The following PRLR variants were observed in gnomAD, a reference collection of about 807,000 sequenced individuals.
PRLR encodes hPRL receptor.
Under a neutral mutation model 40.2 loss-of-function variants are expected in PRLR, and 13 were observed. The ratio of observed to expected loss-of-function variants is 0.32; its 90% confidence interval spans 0.21 to 0.51. The LOEUF is 0.51. Ranked by LOEUF, PRLR falls within the 20% of genes least tolerant of loss-of-function variation. The pLI, the probability that PRLR is intolerant of heterozygous loss-of-function variation, is 0.97. For missense variants in PRLR, 656 were observed against 747.3 expected, an observed-to-expected ratio of 0.88 and a Z score of 1.42; for synonymous variants, 269 against 278.7, an observed-to-expected ratio of 0.97 and a Z score of 0.35.
intron 2 of PRLR, among the ~76,000 whole-genome samples, chr5:35,098,017 G>C (rs1432626148): frequency 6.6e-6 from 1 of 152,076 alleles, no homozygotes; most frequent in African/African-American, 2.4e-5. Flanking sequence ...GTGATCTGTT[G>C]GGTTATTGTC....
chr5:35,156,056 G>A, intron 1 of PRLR, among the ~76,000 whole-genome samples: 1 of 148,486 alleles, frequency 6.7e-6, no homozygotes, highest in East Asian at 2.0e-4. Flanking sequence ...GTTTATAAGT[G>A]TGTTTACTGC....
intron 2 of PRLR, among the ~76,000 whole-genome samples, chr5:35,092,071 A>G (rs1561289453): frequency 6.6e-6 from 1 of 152,200 alleles, no homozygotes; most frequent in Non-Finnish European, 1.5e-5. Context: ...AGGCAGCAGT[A>G]GATATTAGAT....
intron 1 of PRLR, among the ~76,000 whole-genome samples, chr5:35,188,230 C>G (rs542977684): frequency 1.8e-4 from 28 of 152,318 alleles, no homozygotes; most frequent in African/African-American, 5.1e-4. Context: ...TTTTATTCCT[C>G]TTTACCTGGA....
At chr5:35,158,374 T>C (rs767952675) in intron 1 of PRLR, among the ~76,000 whole-genome samples, 27 of 152,154 alleles carry the variant, frequency 1.8e-4, no homozygotes, top group Non-Finnish European at 3.2e-4. Flanking sequence ...AATCCAGAAA[T>C]GTCTAGAGAT....
chr5:35,087,713 A>G (rs1770946120), intron 3 of PRLR, among the ~76,000 whole-genome samples: 1 of 151,932 alleles, frequency 6.6e-6, no homozygotes, highest in African/African-American at 2.4e-5. Context: ...AAGAGTGTAA[A>G]ATTTTTTAGT....
chr5:35,118,825 TC>T (rs202110962), intron 1 of PRLR, among the ~76,000 whole-genome samples: 4,090 of 151,786 alleles, frequency 0.027, 96 homozygotes, highest in Middle Eastern at 0.1. Flanking sequence ...TTACTGTGTC[TC>T]CCAGGCTGGA....
At chr5:35,156,935 T>A (rs966031413) in intron 1 of PRLR, among the ~76,000 whole-genome samples, 3 of 152,048 alleles carry the variant, frequency 2.0e-5, no homozygotes, top group Non-Finnish European at 4.4e-5. Context: ...TCCTCAAGTC[T>A]TGTGACTATA....
intron 5 of PRLR, among the ~76,000 whole-genome samples, chr5:35,076,437 G>A (rs970330024): frequency 5.9e-5 from 9 of 152,158 alleles, no homozygotes; most frequent in African/African-American, 2.2e-4. Flanking sequence ...GTGGAAGAAA[G>A]GGTATCAGTG....
At chr5:35,140,007 G>C (rs1212900359) in intron 1 of PRLR, among the ~76,000 whole-genome samples, 1 of 152,154 alleles carries the variant, frequency 6.6e-6, no homozygotes. Flanking sequence ...CATTAAAAAT[G>C]TAATTTTTTA....
intron 2 of PRLR, among the ~76,000 whole-genome samples, chr5:35,114,368 A>T (rs753192411): frequency 6.6e-6 from 1 of 152,186 alleles, no homozygotes; most frequent in East Asian, 1.9e-4. Context: ...TGTTGTGAGG[A>T]TGAAATAAAT....
intron 1 of PRLR, among the ~76,000 whole-genome samples, chr5:35,189,739 G>A (rs1483073276): frequency 6.6e-6 from 1 of 152,184 alleles, no homozygotes; most frequent in Non-Finnish European, 1.5e-5. Flanking sequence ...ATGACTGGGT[G>A]CAAGCCCCTG....
Position 35,060,374 on chromosome 5 carries a change from A to C in PRLR, c.*4715T>G, listed in dbSNP as rs1050024352. ...ATGTTAAATCAATCTGAGTTGGAGG[A>C]ACAGATCTCTGTTTTTCTCTGAAGC... On this transcript the variant is annotated 3_prime_UTR_variant, in exon 10 of 10. Coordinates refer to ENST00000618457, the MANE Select transcript of PRLR (RefSeq NM_000949.7). 1 of 152,200 alleles carries C rather than the reference A, an allele frequency of 6.6e-6. No homozygotes were observed. The highest frequency in any genetic ancestry group is 2.4e-5 in the African/African-American group (1 of 41,454). 9.4% of individuals were successfully genotyped at this position (152,200 alleles called of 1,614,324 possible).
intron 1 of PRLR, among the ~76,000 whole-genome samples, chr5:35,217,329 T>C (rs751521141): frequency 2.0e-5 from 3 of 152,234 alleles, no homozygotes; most frequent in African/African-American, 7.2e-5. Context: ...GTCTAGATTA[T>C]TTGTAAACTC....
At chr5:35,109,064 G>A (rs552346690) in intron 2 of PRLR, among the ~76,000 whole-genome samples, 8 of 152,088 alleles carry the variant, frequency 5.3e-5, no homozygotes, top group East Asian at 1.9e-4. Flanking sequence ...ATAATACCAC[G>A]CATCTATAAC....
chr5:35,134,507 A>G (rs1169240037), intron 1 of PRLR, among the ~76,000 whole-genome samples: 5 of 152,216 alleles, frequency 3.3e-5, no homozygotes, highest in Non-Finnish European at 7.3e-5. Context: ...TGAAGATTAA[A>G]CTAACAACCA....
At chr5:35,159,501 C>T (rs935396690) in intron 1 of PRLR, among the ~76,000 whole-genome samples, 11 of 152,052 alleles carry the variant, frequency 7.2e-5, no homozygotes, top group Admixed American at 2.0e-4. Flanking sequence ...ACAGTGTCAG[C>T]GGGACAGAAA....
Position 35,086,329 on chromosome 5 carries a change from G to C in PRLR, c.82C>G (p.Pro28Ala). 1 of 1,613,532 alleles carries C rather than the reference G, an allele frequency of 6.2e-7. No individual in the cohort carries two copies. Among genetic ancestry groups the C allele is most frequent in the Non-Finnish European group, 8.5e-7 (1 of 1,179,778 alleles). ...CATTTAAAGATCTCAGGTTTTCCAG[G>C]AGGTAACTGTCCTAGAAAAAGCCAG... ...NTCLLNGQLP[P>A]GKPEIFKCRS... Residue 28 changes from proline (P) to alanine (A), a missense_variant, in exon 4 of 10, where the codon CCT becomes GCT. Physicochemically the swap from Pro to Ala is conservative, Grantham distance 27. This residue lies in a region of PRLR where 180 missense variants were observed against 236.8 expected (regional missense o/e 0.76). Transcript: ENST00000618457.
chr5:35,096,463 C>A (rs977060344), intron 2 of PRLR, among the ~76,000 whole-genome samples: 1 of 152,116 alleles, frequency 6.6e-6, no homozygotes, highest in African/African-American at 2.4e-5. Context: ...AGGAACTAGT[C>A]CCTCATGAGA....
chr5:35,157,141 T>A (rs556837286), intron 1 of PRLR, among the ~76,000 whole-genome samples: 4 of 152,128 alleles, frequency 2.6e-5, no homozygotes, highest in Admixed American at 2.6e-4. Flanking sequence ...GAGAGTTCTG[T>A]CCCTAGATAC....
Sources: gnomAD v4.1 joint callset for allele counts (sites outside exome capture counted in the v4.1 genomes callset) on GRCh38, gnomAD v4.1.1 for gene constraint, gnomAD v4.1.1 regional missense constraint, MANE v1.5 for transcripts, NCBI Gene and HGNC (gene_info 2026-07-23, HGNC 2026-07-21) for gene names.